Variants in MCPH1 observed in about 807,000 individuals in gnomAD.
MCPH1 encodes the protein microcephalin 1, also known as microcephalin.
Under a neutral mutation model 84.5 loss-of-function variants are expected in MCPH1, and 104 were observed. The observed-to-expected ratio is 1.23, with a 90% CI of 1.05 to 1.45. The LOEUF (loss-of-function observed/expected upper bound fraction) is 1.45. Among genes scored for constraint, MCPH1 ranks in the 40% most tolerant of loss-of-function variants. The pLI is 0.00. For missense variants in MCPH1, 1,498 were observed against 1,005.7 expected, an observed-to-expected ratio of 1.49 and a Z score of -6.62; for synonymous variants, 514 against 366.8, an observed-to-expected ratio of 1.40 and a Z score of -4.58.
At chr8:6,453,926 C>A (rs1254902579) in intron 8 of MCPH1, among the ~76,000 whole-genome samples, 1 of 151,954 alleles carries the variant, frequency 6.6e-6, no homozygotes, top group African/African-American at 2.4e-5. Context: ...TAGAACTGGA[C>A]CTTAAAATCT....
Position 6,407,153 on chromosome 8 carries a change from G to C in MCPH1, c.22+464G>C, listed in dbSNP as rs1265879823. 1.3e-5 allele frequency: 3 copies of C among 225,296 alleles called. No individual in the cohort carries two copies. In the Admixed American group the frequency reaches 1.6e-4, roughly 12 times the overall value. The allele number at this position is 225,296 out of a possible 1,614,324, so 14.0% of individuals were successfully genotyped here. A position where few individuals can be genotyped will look rare whatever the true frequency, so the allele number is the denominator to read the frequency against. On this transcript the variant is annotated intron_variant, in intron 1 of 13. Transcript: ENST00000344683. ...GCAGGCAGAGTCCTGCCCTCCGGAA[G>C]TTGGTGTGGGGCCCTCCTGGGTCTG...
chr8:6,585,318 G>A (rs892479304), intron 12 of MCPH1, among the ~76,000 whole-genome samples: 6 of 152,196 alleles, frequency 3.9e-5, no homozygotes, highest in African/African-American at 1.4e-4. Context: ...GTTGTCCCAG[G>A]AGTTTCCTGT....
intron 9 of MCPH1, among the ~76,000 whole-genome samples, chr8:6,472,752 G>A (rs1028934054): frequency 4.6e-5 from 7 of 152,174 alleles, no homozygotes; most frequent in African/African-American, 1.7e-4. Context: ...ACAGGGATAA[G>A]CCACCATGTC....
chr8:6,408,365 G>GTTATTT (rs1471343146), intron 1 of MCPH1, among the ~76,000 whole-genome samples: 1 of 151,890 alleles, frequency 6.6e-6, no homozygotes, highest in Non-Finnish European at 1.5e-5. Context: ...ACCACGCCCG[G>GTTATTT]TTATTTTTAT....
chr8:6,625,609 G>C (rs577593465), intron 13 of MCPH1: 1 of 985,210 alleles, frequency 1.0e-6, no homozygotes, highest in East Asian at 1.1e-4. Flanking sequence ...AATATCAACT[G>C]CTTTGTAAGG....
chr8:6,423,982 T>G (rs772685134), intron 3 of MCPH1, among the ~76,000 whole-genome samples: 3 of 152,226 alleles, frequency 2.0e-5, no homozygotes, highest in Non-Finnish European at 4.4e-5. Flanking sequence ...TGACCTGCAT[T>G]TTTTATGTCA....
chr8:6,551,440 G>A (rs1021726691), intron 12 of MCPH1, among the ~76,000 whole-genome samples: 7 of 152,126 alleles, frequency 4.6e-5, no homozygotes, highest in African/African-American at 1.7e-4. Context: ...AAACATGCAT[G>A]GATTTATGTG....
chr8:6,611,328 C>G (rs1248377899), intron 12 of MCPH1, among the ~76,000 whole-genome samples: 4 of 152,178 alleles, frequency 2.6e-5, no homozygotes, highest in Non-Finnish European at 4.4e-5. Context: ...ATTGCTTGTC[C>G]CAAATCCCCG....
chr8:6,424,523 C>T (rs1426191167), intron 3 of MCPH1, among the ~76,000 whole-genome samples: 3 of 152,254 alleles, frequency 2.0e-5, no homozygotes, highest in Admixed American at 6.5e-5. Context: ...CCCGCCTCCT[C>T]AGCCTTCTCA....
intron 12 of MCPH1, among the ~76,000 whole-genome samples, chr8:6,576,663 ACGCTC>A (rs1827130445): frequency 7.8e-6 from 1 of 127,490 alleles, no homozygotes; most frequent in Non-Finnish European, 1.6e-5. Context: ...GCCCGCCACC[ACGCTC>A]TGCTAATTTT....
chr8:6,632,512 G>C (rs1249702712), intron 13 of MCPH1, among the ~76,000 whole-genome samples: 1 of 152,066 alleles, frequency 6.6e-6, no homozygotes, highest in Non-Finnish European at 1.5e-5. Context: ...TTGTAAACAA[G>C]TACATAAAAA....
chr8:6,424,817 T>TA (rs1468297545), intron 3 of MCPH1, among the ~76,000 whole-genome samples: 2 of 152,336 alleles, frequency 1.3e-5, no homozygotes, highest in Non-Finnish European at 2.9e-5. Context: ...TGTGCAGACT[T>TA]CTCTGAGTCT....
chr8:6,527,662 G>T (rs774648383), intron 12 of MCPH1: 1 of 1,613,352 alleles, frequency 6.2e-7, no homozygotes, highest in Admixed American at 1.7e-5. Context: ...CAAGTCTCGT[G>T]GTCTGATTTA....
At chr8:6,530,032 A>T (rs1474475745) in intron 12 of MCPH1, among the ~76,000 whole-genome samples, 1 of 151,978 alleles carries the variant, frequency 6.6e-6, no homozygotes, top group African/African-American at 2.4e-5. Context: ...AATTTTTGCC[A>T]AGTTCCCATG....
chr8:6,494,808 T>C (rs985029250), intron 11 of MCPH1, among the ~76,000 whole-genome samples: 3 of 152,140 alleles, frequency 2.0e-5, no homozygotes, highest in African/African-American at 7.2e-5. Context: ...TGAAAGCATT[T>C]TGAAACTAGA....
At chr8:6,410,336 A>T (rs1798361748) in intron 2 of MCPH1, among the ~76,000 whole-genome samples, 1 of 152,120 alleles carries the variant, frequency 6.6e-6, no homozygotes, top group Non-Finnish European at 1.5e-5. Context: ...TAGAATTTTT[A>T]AAAACTACAG....
intron 12 of MCPH1, among the ~76,000 whole-genome samples, chr8:6,607,713 A>G (rs1829903927): frequency 6.6e-6 from 1 of 152,190 alleles, no homozygotes; most frequent in African/African-American, 2.4e-5. Flanking sequence ...ATGGTGAATA[A>G]GGGGAAATGC....
At chr8:6,624,514 G>A (rs952280954) in intron 13 of MCPH1, among the ~76,000 whole-genome samples, 2 of 152,204 alleles carry the variant, frequency 1.3e-5, no homozygotes, top group African/African-American at 2.4e-5. Context: ...GTAAGATCAC[G>A]TAGTTCTCAA....
chr8:6,453,899 T>G (rs1805382042), intron 8 of MCPH1, among the ~76,000 whole-genome samples: 1 of 151,988 alleles, frequency 6.6e-6, no homozygotes, highest in African/African-American at 2.4e-5. Context: ...AGAGTGTAGG[T>G]TGGTAGGTTT....
Sources: gnomAD v4.1 joint callset for allele counts (sites outside exome capture counted in the v4.1 genomes callset) on GRCh38, gnomAD v4.1.1 for gene constraint, MANE v1.5 for transcripts, NCBI Gene and HGNC (gene_info 2026-07-23, HGNC 2026-07-21) for gene names.